The following PDE10A variants were observed in gnomAD, a reference collection of about 807,000 sequenced individuals.
PDE10A encodes the protein cAMP and cAMP-inhibited cGMP 3',5'-cyclic phosphodiesterase 10A.
Under a neutral mutation model 97.7 loss-of-function variants are expected in PDE10A, and 39 were observed. The observed-to-expected ratio is 0.40, with a 90% CI of 0.31 to 0.52. The LOEUF is 0.52. Ranked by LOEUF, PDE10A falls within the 20% of genes least tolerant of loss-of-function variation. The probability of loss-of-function intolerance (pLI) is 0.56; values close to 1 mark genes in which losing one functional copy is unlikely to be tolerated. For missense variants in PDE10A, 731 were observed against 1,047.8 expected, an observed-to-expected ratio of 0.70 and a Z score of 4.17; for synonymous variants, 371 against 376.8, an observed-to-expected ratio of 0.98 and a Z score of 0.18.
intron 1 of PDE10A, among the ~76,000 whole-genome samples, chr6:165,575,942 T>C (rs993921703): frequency 1.3e-5 from 2 of 150,614 alleles, no homozygotes; most frequent in African/African-American, 4.8e-5. Context: ...TCCAAATTGC[T>C]AAATATCATT....
Position 165,436,264 on chromosome 6 carries a change from C to T in PDE10A, c.1195-887G>A, listed in dbSNP as rs546846170. On this transcript the variant is annotated intron_variant, in intron 5 of 21. Coordinates refer to ENST00000539869, the MANE Select transcript of PDE10A (RefSeq NM_001385079.1). ...TTGAAGCAATAAGTATTAGACAGCC[C>T]TCTTAACCTAAGCACCTTTCTACAA... Among the ~76,000 whole-genome samples, 10 of 152,264 alleles carry T rather than the reference C, an allele frequency of 6.6e-5. No individual in the cohort carries two copies. In the East Asian group the frequency reaches 1.9e-3, roughly 29 times the overall value.
At chr6:165,823,262 AT>A (rs34475293) in intron 1 of PDE10A, among the ~76,000 whole-genome samples, 76,484 of 149,214 alleles carry the variant, frequency 0.51, 21,178 homozygotes, top group East Asian at 0.88. Flanking sequence ...CCTATTTTTA[AT>A]TTTTTTTAAA....
In PDE10A at chr6:165,943,234, A is replaced by AAG. The variant is rs1562809813; in HGVS notation, c.-615+44294_-615+44295insCT. Among the ~76,000 whole-genome samples the AAG allele has an allele frequency of 9.7e-3, 331 of 33,988 alleles. 7 individuals carry two copies. The highest frequency in any genetic ancestry group is 0.032 in the Middle Eastern group (2 of 62). The allele number at this position is 33,988 out of a possible 152,430, so 22.3% of individuals were successfully genotyped here. ...AAGAAAGAAAGAAAGAAAGAAAGAA[A>AAG]GAAGGAAGGAAGGAAGGAAGGAAGG... On this transcript the variant is annotated intron_variant, in intron 1 of 19. Coordinates refer to the PDE10A transcript ENST00000366882.
intron 1 of PDE10A, among the ~76,000 whole-genome samples, chr6:165,782,882 A>G (rs1217854156): frequency 2.0e-5 from 3 of 152,126 alleles, no homozygotes; most frequent in Admixed American, 2.0e-4. Context: ...ACCGTGTGTG[A>G]TTTTTTAAAT....
intron 1 of PDE10A, among the ~76,000 whole-genome samples, chr6:165,872,104 C>G (rs933863507): frequency 6.6e-6 from 1 of 152,136 alleles, no homozygotes; most frequent in Non-Finnish European, 1.5e-5. Flanking sequence ...AGGGTGGCCA[C>G]AGAGCCAGTT....
chr6:165,436,676 A>T (rs1399783690), intron 5 of PDE10A, among the ~76,000 whole-genome samples: 1 of 152,182 alleles, frequency 6.6e-6, no homozygotes, highest in East Asian at 1.9e-4. Flanking sequence ...AATATGTTTA[A>T]ATAGAAAGTA....
At chr6:165,979,049 C>T (rs953928654) in intron 1 of PDE10A, among the ~76,000 whole-genome samples, 3 of 152,152 alleles carry the variant, frequency 2.0e-5, no homozygotes, top group African/African-American at 7.2e-5. Context: ...ATTCAGATGT[C>T]AACTCTGATG....
intron 3 of PDE10A, among the ~76,000 whole-genome samples, chr6:165,468,247 T>G (rs540233430): frequency 6.6e-6 from 1 of 151,432 alleles, no homozygotes; most frequent in African/African-American, 2.4e-5. Context: ...CTAGGCTAAT[T>G]TTTTTTTATT....
intron 1 of PDE10A, among the ~76,000 whole-genome samples, chr6:165,816,676 T>G (rs1168873799): frequency 1.3e-5 from 2 of 152,134 alleles, no homozygotes; most frequent in Non-Finnish European, 2.9e-5. Context: ...CATAATGCAG[T>G]CAAATAACAA....
chr6:165,821,229 C>T (rs987123030), intron 1 of PDE10A, among the ~76,000 whole-genome samples: 4 of 152,260 alleles, frequency 2.6e-5, no homozygotes, highest in Admixed American at 6.5e-5. Context: ...TTCAGAACTC[C>T]GGCTGATAGT....
At chr6:165,649,932 A>G (rs1789592305) in intron 1 of PDE10A, among the ~76,000 whole-genome samples, 1 of 152,228 alleles carries the variant, frequency 6.6e-6, no homozygotes, top group Non-Finnish European at 1.5e-5. Flanking sequence ...ATCAGTCAGA[A>G]ACTGTATTAA....
At chr6:165,730,703 A>T (rs1792409913) in intron 1 of PDE10A, among the ~76,000 whole-genome samples, 1 of 148,846 alleles carries the variant, frequency 6.7e-6, no homozygotes, top group South Asian at 2.1e-4. Context: ...CAGTGAGCCG[A>T]GATCATGCCA....
intron 1 of PDE10A, among the ~76,000 whole-genome samples, chr6:165,558,212 C>T (rs978045156): frequency 2.0e-5 from 3 of 152,124 alleles, no homozygotes; most frequent in Admixed American, 6.5e-5. Flanking sequence ...CCCAAATGTC[C>T]GTCAATGACA....
chr6:165,862,242 G>C (rs1483178039), intron 1 of PDE10A, among the ~76,000 whole-genome samples: 2 of 152,176 alleles, frequency 1.3e-5, no homozygotes, highest in Non-Finnish European at 2.9e-5. Context: ...TTTTCCTCCA[G>C]TTACCTTGTA....
chr6:165,985,913 C>A (rs528960839), intron 1 of PDE10A, among the ~76,000 whole-genome samples: 1 of 149,922 alleles, frequency 6.7e-6, no homozygotes, highest in African/African-American at 2.4e-5. Flanking sequence ...AATCAGCTCA[C>A]TCCCACCCCA....
At position 165,356,924 on chromosome 6, in the gene PDE10A, A is replaced by T. The variant is rs116454943; in HGVS notation, c.2784-13422T>A. 2.0e-3 allele frequency among the ~76,000 whole-genome samples: 309 copies of T among 152,222 alleles called. 2 individuals carry two copies. Among genetic ancestry groups the T allele is most frequent in the African/African-American group, 7.0e-3 (290 of 41,558 alleles). On this transcript the variant is annotated intron_variant, in intron 18 of 21. Coordinates refer to ENST00000539869, the MANE Select transcript of PDE10A (RefSeq NM_001385079.1). ...CCTTTCATTTCTATTTCTTTCTATA[A>T]TTCACTGGCTAGGACCTCCAATTCA... is the stretch of plus-strand genomic sequence containing the variant.
intron 1 of PDE10A, among the ~76,000 whole-genome samples, chr6:165,798,106 A>G (rs538707481): frequency 1.3e-5 from 2 of 152,342 alleles, no homozygotes; most frequent in Non-Finnish European, 2.9e-5. Context: ...TATTTAATAA[A>G]TCAGGATACT....
In PDE10A at chr6:165,740,488, G is replaced by A. The variant is rs1210468749; in HGVS notation, c.-614-196920C>T. On this transcript the variant is annotated intron_variant, in intron 1 of 19. Coordinates refer to the PDE10A transcript ENST00000366882. ...TGGGACTACAGGTATGTGCCACCAC[G>A]TGCTCGGCTAATTTTTTTGTATTTT... 1.1e-4 allele frequency among the ~76,000 whole-genome samples: 17 copies of A among 152,136 alleles called. No individual in the cohort carries two copies. The East Asian group carries it at 1.4e-3, about 12-fold the overall frequency.
At chr6:165,489,062 G>A (rs1478259164) in intron 2 of PDE10A, among the ~76,000 whole-genome samples, 1 of 152,098 alleles carries the variant, frequency 6.6e-6, no homozygotes, top group African/African-American at 2.4e-5. Flanking sequence ...GGCGACCCTA[G>A]GGCGAGCTTG....
Sources: gnomAD v4.1 joint callset for allele counts (sites outside exome capture counted in the v4.1 genomes callset) on GRCh38, gnomAD v4.1.1 for gene constraint, MANE v1.5 for transcripts, NCBI Gene and HGNC (gene_info 2026-07-23, HGNC 2026-07-21) for gene names.